The following RPS11 variants were observed in gnomAD, a reference collection of about 807,000 sequenced individuals.
The protein encoded by RPS11 is small ribosomal subunit protein uS17.
For synonymous variants in RPS11, 107 were observed against 78.0 expected (o/e 1.37, Z -1.96); for missense variants, 127 against 211.4 (o/e 0.60, Z 2.48).
chr19:49,497,402 A>ATCTAAGTGGCTTCTGGG (rs2079912019), intron 2 of RPS11, 77 bp downstream of exon 2: 3 of 1,605,206 alleles, frequency 1.9e-6, no homozygotes, highest in Non-Finnish European at 2.6e-6. Flanking sequence ...CCCTGCCTGC[A>ATCTAAGTGGCTTCTGGG]TCTAAGTGGC....
chr19:49,498,354 G>A (rs180896225), intron 4 of RPS11: 3 of 380,738 alleles, frequency 7.9e-6, no homozygotes, highest in South Asian at 2.5e-5. Context: ...TATTCACATA[G>A]CCTGAAAGTA....
intron 4 of RPS11, among the ~76,000 whole-genome samples, chr19:49,498,439 T>C (rs2079918346): frequency 6.6e-6 from 1 of 152,174 alleles, no homozygotes; most frequent in African/African-American, 2.4e-5. Flanking sequence ...AGCAAAGGTG[T>C]CACGCTGGTA....
At chr19:49,499,484 G>A in intron 4 of RPS11, 28 bp from the exon 5 acceptor site, 1 of 1,606,906 alleles carries the variant, frequency 6.2e-7, no homozygotes, top group Non-Finnish European at 8.5e-7. Context: ...GGCCCCTCCT[G>A]AGGACATGGC....
In RPS11 at chr19:49,496,448, G is replaced by T. The variant is rs768981584; in HGVS notation, c.-9G>T. 4 of 1,612,144 alleles carry T rather than the reference G, an allele frequency of 2.5e-6. No individual in the cohort carries two copies. In the South Asian group the frequency reaches 4.4e-5, roughly 18 times the overall value. On this transcript the variant is annotated 5_prime_UTR_variant, in exon 1 of 5. Coordinates refer to ENST00000270625, the MANE Select transcript of RPS11 (RefSeq NM_001015.5). ...GCTGCCCCTTTCTTTTTTTCAGGCG[G>T]CCGGGAAGATGGCGGACATTCAGGT...
intron 4 of RPS11, among the ~76,000 whole-genome samples, chr19:49,499,275 C>T (rs1173543014): frequency 6.6e-6 from 1 of 152,166 alleles, no homozygotes; most frequent in Admixed American, 6.5e-5. Context: ...AAATGGAGCT[C>T]GTCCACCCCA....
chr19:49,496,615 G>A (rs2079907584), intron 1 of RPS11, 144 bp downstream of exon 1: 6 of 880,524 alleles, frequency 6.8e-6, no homozygotes, highest in Admixed American at 5.2e-5. Context: ...TGGAGTGGAG[G>A]GCGCTTGCTT....
At chr19:49,499,279 C>T (rs1255480470) in intron 4 of RPS11, among the ~76,000 whole-genome samples, 1 of 152,162 alleles carries the variant, frequency 6.6e-6, no homozygotes, top group Non-Finnish European at 1.5e-5. Flanking sequence ...GGAGCTCGTC[C>T]ACCCCAGCGG....
chr19:49,496,527 G>A, intron 1 of RPS11, 56 bp downstream of exon 1: 2 of 1,544,254 alleles, frequency 1.3e-6, no homozygotes, highest in Non-Finnish European at 1.7e-6. Context: ...CTTCAGGGGC[G>A]CGTCCGGGAG....
chr19:49,497,431 T>C lies in RPS11; in HGVS notation c.148-89T>C, dbSNP rs2079912150. On this transcript the variant is annotated intron_variant, in intron 2 of 4. Transcript: ENST00000270625. ...AAGTGGCTTCTGGGGCTGCTGGGAATTGTAGTTGCTTCCCTGAGGCCACGC... is the reference window on the plus strand; with the variant it reads ...AAGTGGCTTCTGGGGCTGCTGGGAACTGTAGTTGCTTCCCTGAGGCCACGC... 1.1e-5 allele frequency: 17 copies of C among 1,592,040 alleles called. No homozygotes were observed. In the East Asian group the frequency reaches 2.0e-4, roughly 19 times the overall value.
rs751020448 is a variant in RPS11 at position 49,496,441 on chromosome 19, T to TC, written c.-15dup. On this transcript the variant is annotated 5_prime_UTR_variant, in exon 1 of 5. Transcript: ENST00000270625. ...GGACGCTGCTGCCCCTTTCTTTTTTTCAGGCGGCCGGGAAGATGGCGGACA... is the reference window on the plus strand; with the variant it reads ...GGACGCTGCTGCCCCTTTCTTTTTTTCCAGGCGGCCGGGAAGATGGCGGACA... 2 of 1,612,194 alleles carry TC rather than the reference T, an allele frequency of 1.2e-6. No homozygotes were observed. The highest frequency in any genetic ancestry group is 2.7e-5 in the African/African-American group (2 of 74,614).
chr19:49,497,397 C>T (rs1403036477), intron 2 of RPS11, 72 bp downstream of exon 2: 1 of 1,605,492 alleles, frequency 6.2e-7, no homozygotes, highest in Non-Finnish European at 8.5e-7. Flanking sequence ...AGTTGCCCTG[C>T]CTGCATCTAA....
chr19:49,498,409 C>G (rs1033682419), intron 4 of RPS11, among the ~76,000 whole-genome samples: 1 of 152,124 alleles, frequency 6.6e-6, no homozygotes, highest in African/African-American at 2.4e-5. Context: ...ACAAAGTTTG[C>G]GTACATTGAA....
Position 49,496,487 on chromosome 19 carries a change from T to C in RPS11, c.15+16T>C. ...GGACATTCAGGTGCGGACTCGGGGT[T>C]GGATGCCAGGGTGCGGGGTCCGCCT... is the stretch of plus-strand genomic sequence containing the variant. On this transcript the variant is annotated intron_variant, in intron 1 of 4. Coordinates refer to ENST00000270625, the MANE Select transcript of RPS11 (RefSeq NM_001015.5). 2 of 1,608,320 alleles carry C rather than the reference T, an allele frequency of 1.2e-6. No individual in the cohort carries two copies. The highest frequency in any genetic ancestry group is 1.7e-6 in the Non-Finnish European group (2 of 1,177,508).
rs1481932573 is a variant in RPS11 at position 49,497,792 on chromosome 19, A to T, written c.224-125A>T. The T allele has an allele frequency of 5.6e-6, 8 of 1,418,328 alleles. No individual in the cohort carries two copies. The Admixed American group carries it at 1.3e-4, about 24-fold the overall frequency. 87.9% of individuals were successfully genotyped at this position (1,418,328 alleles called of 1,614,324 possible). A position where few individuals can be genotyped will look rare whatever the true frequency, so the allele number is the denominator to read the frequency against. On this transcript the variant is annotated intron_variant, in intron 3 of 4. Transcript: ENST00000270625. ...CACTGCTGAGAAAGCCACTTGGTAA[A>T]ACTGATGCCGGAAATGGGGCTTTTT...
rs371058290 is a variant in RPS11 at position 49,498,098 on chromosome 19, G to C, written c.353+52G>C. ...TCAGGCCACGCTCTCTCAGCCTTCA[G>C]ATTCCAGATCGGACCAATTTAAGGC... is the stretch of plus-strand genomic sequence containing the variant. On this transcript the variant is annotated intron_variant, in intron 4 of 4. Coordinates refer to ENST00000270625, the MANE Select transcript of RPS11 (RefSeq NM_001015.5). 5.0e-6 allele frequency: 8 copies of C among 1,607,738 alleles called. No homozygotes were observed. In the African/African-American group the frequency reaches 6.7e-5, roughly 13 times the overall value.
chr19:49,498,066 A>C lies in RPS11; in HGVS notation c.353+20A>C. 1 of 1,611,688 alleles carries C rather than the reference A, an allele frequency of 6.2e-7. No individual in the cohort carries two copies. The highest frequency in any genetic ancestry group is 8.5e-7 in the Non-Finnish European group (1 of 1,179,850). ...CTTCAGGTGAGCGCAGTGGCCCATC[A>C]GGTTGCTCAGGCCACGCTCTCTCAG... On this transcript the variant is annotated intron_variant, in intron 4 of 4. Coordinates refer to ENST00000270625, the MANE Select transcript of RPS11 (RefSeq NM_001015.5).
rs375390423 is a variant in RPS11 at position 49,497,761 on chromosome 19, C to T, written c.224-156C>T. On this transcript the variant is annotated intron_variant, in intron 3 of 4. Transcript: ENST00000270625. ...TTTCACGATGGTCTTCAGATGCCCACGTGGGCACTGCTGAGAAAGCCACTT... is the reference window on the plus strand; with the variant it reads ...TTTCACGATGGTCTTCAGATGCCCATGTGGGCACTGCTGAGAAAGCCACTT... The T allele has an allele frequency of 1.2e-4, 143 of 1,181,010 alleles. No individual in the cohort carries two copies. In the Middle Eastern group the frequency reaches 1.7e-3, roughly 14 times the overall value. 73.2% of individuals were successfully genotyped at this position (1,181,010 alleles called of 1,614,324 possible).
At chr19:49,498,123 C>T (rs2079916684) in intron 4 of RPS11, 77 bp downstream of exon 4, 1 of 1,523,102 alleles carries the variant, frequency 6.6e-7, no homozygotes, top group Admixed American at 1.7e-5. Flanking sequence ...CAATTTAAGG[C>T]CAACTGAGGG....
chr19:49,497,647 C>T, intron 3 of RPS11, 52 bp downstream of exon 3: 1 of 1,543,532 alleles, frequency 6.5e-7, no homozygotes, highest in Non-Finnish European at 9.0e-7. Context: ...AAAGAAGGGT[C>T]TTGGGGCCCA....
Sources: gnomAD v4.1 joint callset for allele counts (sites outside exome capture counted in the v4.1 genomes callset) on GRCh38, gnomAD v4.1.1 for gene constraint, MANE v1.5 for transcripts, NCBI Gene and HGNC (gene_info 2026-07-23, HGNC 2026-07-21) for gene names.